ZNF44: variants seen among roughly 807,000 people sequenced by gnomAD.
ZNF44 encodes gonadotropin inducible transcription repressor-2.
Under a neutral mutation model 11.7 loss-of-function variants are expected in ZNF44, and 9 were observed. That is an observed-to-expected ratio of 0.77 (90% CI 0.46 to 1.35). ZNF44 has a LOEUF of 1.35. Among genes scored for constraint, ZNF44 ranks in the 40% most tolerant of loss-of-function variants. The probability of loss-of-function intolerance (pLI) is 0.00; values close to 1 mark genes in which losing one functional copy is unlikely to be tolerated. For missense variants in ZNF44, 696 were observed against 743.1 expected (o/e 0.94, Z 0.74); for synonymous variants, 224 against 242.7 (o/e 0.92, Z 0.72).
rs1187491053 is a variant in ZNF44, at chr19:12,274,984, C to T, written c.180G>A (p.Arg60=). The T allele has an allele frequency of 6.3e-7, 1 of 1,588,190 alleles. No homozygotes were observed. The highest frequency in any genetic ancestry group is 8.6e-7 in the Non-Finnish European group (1 of 1,166,664). ...QNIDDQHQNL[R]RNPRCDVVER... ...TAAGTACAAATTACCTTGGATTTCT[C>T]CTGAGATTTTGGTGCTGATCATCAA... The change falls in exon 3 of 4, where the codon AGG becomes AGA. Residue 60 remains arginine (R), a synonymous_variant. Transcript: ENST00000355684.
chr19:12,241,349 A>G (rs994001040), upstream of ZNF44, among the ~76,000 whole-genome samples: 1 of 152,204 alleles, frequency 6.6e-6, no homozygotes, highest in Non-Finnish European at 1.5e-5. Context: ...CTATACATGA[A>G]CATAGAAAAC....
In ZNF44 at chr19:12,273,803, C is replaced by T; in HGVS notation, c.452G>A (p.Ser151Asn). Residue 151 changes from serine (S) to asparagine (N), a missense_variant, in exon 4 of 4, where the codon AGT becomes AAT. Physicochemically the swap from Ser to Asn is conservative, Grantham distance 46. Coordinates refer to ENST00000355684, the MANE Select transcript of ZNF44 (RefSeq NM_016264.4). ...ACATGTTTGAAAGGAGTGGCGATAA[C>T]TTAAGCCTTTCCCACACTGCTTATG... ...YTHKQCGKGL[S>N]YRHSFQTCER... 6.2e-7 allele frequency: 1 copy of T among 1,614,154 alleles called. No individual in the cohort carries two copies. Among genetic ancestry groups the T allele is most frequent in the Non-Finnish European group, 8.5e-7 (1 of 1,180,020 alleles).
chr19:12,252,051 CAAAA>C (rs61116689), intron 5 of ZNF44, among the ~76,000 whole-genome samples: 1 of 90,778 alleles, frequency 1.1e-5, no homozygotes. Context: ...AACTCCATCT[CAAAA>C]AAAAAAAAAA....
At chr19:12,251,122 G>A (rs375422995) in intron 5 of ZNF44, among the ~76,000 whole-genome samples, 2 of 151,876 alleles carry the variant, frequency 1.3e-5, no homozygotes, top group Admixed American at 1.3e-4. Context: ...ACCTGAGGTC[G>A]GGGGTTCCAG....
At chr19:12,269,834 A>C (rs1010576465), downstream of ZNF44, among the ~76,000 whole-genome samples, 6 of 152,206 alleles carry the variant, frequency 3.9e-5, no homozygotes, top group African/African-American at 1.4e-4. Flanking sequence ...ATATATATCC[A>C]TGGAGGTGAT....
exon 4 of ZNF44, chr19:12,226,359 A>ATTCTT (rs1199550359): frequency 6.6e-6 from 1 of 152,220 alleles, no homozygotes; most frequent in African/African-American, 2.4e-5. Flanking sequence ...AGAAAGTGAC[A>ATTCTT]TTCTTTACTT....
chr19:12,294,262 C>A (rs1014969051), intron 1 of ZNF44, among the ~76,000 whole-genome samples: 43 of 152,310 alleles, frequency 2.8e-4, no homozygotes, highest in Non-Finnish European at 5.4e-4. Flanking sequence ...CCCAACCACC[C>A]CCGTCCAGAC....
At chr19:12,248,353 C>T in exon 8 of ZNF44, 5 of 1,292,408 alleles carry the variant, frequency 3.9e-6, no homozygotes, top group Non-Finnish European at 5.1e-6. Context: ...TTCCCACAGG[C>T]CTTACATTTG....
At chr19:12,246,080 G>C (rs1028176938), downstream of ZNF44, among the ~76,000 whole-genome samples, 4 of 152,186 alleles carry the variant, frequency 2.6e-5, no homozygotes, top group African/African-American at 9.7e-5. Context: ...TCTCCACGCA[G>C]ATGGGTCCAA....
chr19:12,258,160 CAAAAAAAAA>C (rs770370872), intron 5 of ZNF44, among the ~76,000 whole-genome samples: 11 of 55,890 alleles, frequency 2.0e-4, no homozygotes, highest in Non-Finnish European at 2.4e-4. Context: ...CTCATCTCTA[CAAAAAAAAA>C]AAAAAAAAAA....
chr19:12,278,052 A>G (rs902932095), intron 1 of ZNF44, among the ~76,000 whole-genome samples: 2 of 152,362 alleles, frequency 1.3e-5, no homozygotes, highest in South Asian at 4.1e-4. Flanking sequence ...AAATCTAGCC[A>G]TAAACAAAAT....
intron 5 of ZNF44, among the ~76,000 whole-genome samples, chr19:12,255,431 T>C (rs535523257): frequency 7.2e-5 from 11 of 152,100 alleles, no homozygotes; most frequent in Admixed American, 6.5e-4. Flanking sequence ...ATTACTAATA[T>C]CACAAATGAA....
chr19:12,274,196 G>T (rs1967111373), intron 3 of ZNF44, 133 bp from the exon 4 acceptor site: 1 of 677,976 alleles, frequency 1.5e-6, no homozygotes, highest in Non-Finnish European at 2.4e-6. Flanking sequence ...TGAATGGACT[G>T]AATGTTGTGC....
At chr19:12,261,861 CT>C (rs1277929097) in intron 5 of ZNF44, among the ~76,000 whole-genome samples, 3 of 151,724 alleles carry the variant, frequency 2.0e-5, no homozygotes, top group Non-Finnish European at 4.4e-5. Flanking sequence ...TTTTTTAAAC[CT>C]TTGTGTGTAT....
chr19:12,269,786 C>T (rs905688945), downstream of ZNF44, among the ~76,000 whole-genome samples: 8 of 152,148 alleles, frequency 5.3e-5, no homozygotes, highest in African/African-American at 1.9e-4. Context: ...CCAATGAGCA[C>T]TGGGATGAGG....
At chr19:12,274,185 G>A in intron 3 of ZNF44, 122 bp from the exon 4 acceptor site, 2 of 752,190 alleles carry the variant, frequency 2.7e-6, no homozygotes, top group Non-Finnish European at 4.2e-6. Flanking sequence ...CTGCTTCAAT[G>A]TGAATGGACT....
At chr19:12,266,853 G>A (rs1917751479), downstream of ZNF44, among the ~76,000 whole-genome samples, 1 of 152,062 alleles carries the variant, frequency 6.6e-6, no homozygotes, top group Non-Finnish European at 1.5e-5. Context: ...AAAGGGAATT[G>A]CATTCTCAGT....
chr19:12,292,870 T>TG (rs1568461537), intron 1 of ZNF44, among the ~76,000 whole-genome samples: 12 of 144,572 alleles, frequency 8.3e-5, no homozygotes, highest in South Asian at 4.6e-4. Flanking sequence ...TTTTTTTTTT[T>TG]TTTTTTTTTT....
At chr19:12,278,997 G>C (rs1967353830) in intron 1 of ZNF44, among the ~76,000 whole-genome samples, 1 of 152,212 alleles carries the variant, frequency 6.6e-6, no homozygotes, top group African/African-American at 2.4e-5. Context: ...CCCCAGCAGA[G>C]AGCCATCCAT....
Sources: gnomAD v4.1 joint callset for allele counts (sites outside exome capture counted in the v4.1 genomes callset) on GRCh38, gnomAD v4.1.1 for gene constraint, MANE v1.5 for transcripts, NCBI Gene and HGNC (gene_info 2026-07-23, HGNC 2026-07-21) for gene names.